The following FSIP1 variants were observed in gnomAD, a reference collection of about 807,000 sequenced individuals.
FSIP1 encodes fibrous sheath-interacting protein 1.
A neutral mutation model predicts 60.9 loss-of-function variants in FSIP1; 65 were observed. The observed-to-expected ratio is 1.07, with a 90% CI of 0.87 to 1.31. The LOEUF (loss-of-function observed/expected upper bound fraction) is 1.31, where lower values mean the gene tolerates loss of function less well. Ranked by LOEUF, FSIP1 falls within the 40% of genes most tolerant of loss-of-function variation. The pLI is 0.00. For synonymous variants in FSIP1, 209 were observed against 221.2 expected (o/e 0.94, Z 0.49); for missense variants, 675 against 665.5 (o/e 1.01, Z -0.16).
At chr15:39,617,540 T>C (rs1041570317) in intron 11 of FSIP1, among the ~76,000 whole-genome samples, 195 bp downstream of exon 11, 2 of 152,238 alleles carry the variant, frequency 1.3e-5, no homozygotes, top group African/African-American at 4.8e-5. Flanking sequence ...GAATAACGTA[T>C]TTCATAGAGT....
At chr15:39,688,189 C>T (rs902594526) in intron 10 of FSIP1, among the ~76,000 whole-genome samples, 1 of 152,188 alleles carries the variant, frequency 6.6e-6, no homozygotes, top group Admixed American at 6.5e-5. Flanking sequence ...GAAACCACAA[C>T]TTCAGGGAGA....
chr15:39,603,997 T>C (rs1890734264), intron 11 of FSIP1, among the ~76,000 whole-genome samples: 1 of 152,184 alleles, frequency 6.6e-6, no homozygotes, highest in Non-Finnish European at 1.5e-5. Context: ...AATGTCATGA[T>C]CTCAGTTCAC....
At chr15:39,607,256 T>C (rs1368083335) in intron 11 of FSIP1, among the ~76,000 whole-genome samples, 1 of 152,228 alleles carries the variant, frequency 6.6e-6, no homozygotes, top group Non-Finnish European at 1.5e-5. Flanking sequence ...CCACAGATGA[T>C]GCCTGAGATT....
Position 39,600,924 on chromosome 15 carries a change from C to A in FSIP1, c.1702G>T (p.Glu568Ter). ...TCTGCTGCATCTTTAGTCTCCTGCTCATCTGCACATAAAAACAATAACCAC... is the reference window on the plus strand; with the variant it reads ...TCTGCTGCATCTTTAGTCTCCTGCTAATCTGCACATAAAAACAATAACCAC... ...LSSPENTIAD[E>*]QETKDAAEEC... Residue 568 changes from glutamate to a stop codon, truncating the protein, a stop_gained and splice_region_variant, in exon 12 of 12, where the codon GAG (glutamate) becomes TAG (stop). Transcript: ENST00000350221. LOFTEE classifies it high-confidence loss of function. The A allele has an allele frequency of 6.2e-7, 1 of 1,609,120 alleles. No individual in the cohort carries two copies. The highest frequency in any genetic ancestry group is 1.1e-5 in the South Asian group (1 of 89,854).
At chr15:39,650,811 A>C (rs1289358323) in intron 10 of FSIP1, among the ~76,000 whole-genome samples, 1 of 152,260 alleles carries the variant, frequency 6.6e-6, no homozygotes, top group Admixed American at 6.5e-5. Flanking sequence ...CATTCTTCGG[A>C]AGTCTCTGTG....
intron 5 of FSIP1, among the ~76,000 whole-genome samples, chr15:39,752,491 T>C (rs1897192681): frequency 2.0e-5 from 3 of 152,092 alleles, no homozygotes; most frequent in South Asian, 2.1e-4. Flanking sequence ...GTTAATAATA[T>C]GATGTAATGT....
intron 5 of FSIP1, among the ~76,000 whole-genome samples, chr15:39,761,998 C>T (rs183838584): frequency 2.0e-5 from 3 of 152,262 alleles, no homozygotes; most frequent in African/African-American, 7.2e-5. Flanking sequence ...TGGGTAGCTC[C>T]CTTTGGCTGG....
intron 8 of FSIP1, among the ~76,000 whole-genome samples, chr15:39,732,616 T>C (rs1376248893): frequency 2.7e-5 from 2 of 73,762 alleles, no homozygotes; most frequent in African/African-American, 1.0e-4. Context: ...TGAAACTCCA[T>C]CTCAAAAAAA....
At chr15:39,617,681 T>C in intron 11 of FSIP1, 54 bp downstream of exon 11, 1 of 1,467,940 alleles carries the variant, frequency 6.8e-7, no homozygotes, top group Middle Eastern at 1.8e-4. Flanking sequence ...AATACCTTTA[T>C]ATTGAGGTGC....
chr15:39,761,429 A>G (rs8037883), intron 5 of FSIP1, among the ~76,000 whole-genome samples: 3,734 of 152,308 alleles, frequency 0.025, 160 homozygotes, highest in African/African-American at 0.084. Flanking sequence ...AACAACATGA[A>G]TAGAATTAGA....
chr15:39,620,886 G>A (rs546285251), intron 10 of FSIP1, among the ~76,000 whole-genome samples: 7 of 151,082 alleles, frequency 4.6e-5, no homozygotes, highest in East Asian at 1.9e-4. Flanking sequence ...GATTACAGGC[G>A]TGAGCCACCA....
chr15:39,608,573 T>G (rs7179293), intron 11 of FSIP1, among the ~76,000 whole-genome samples: 60,136 of 152,046 alleles, frequency 0.4, 13,968 homozygotes, highest in African/African-American at 0.66. Flanking sequence ...ACAATATACT[T>G]CAATTTCAGA....
intron 8 of FSIP1, among the ~76,000 whole-genome samples, chr15:39,734,728 T>C (rs746789175): frequency 1.3e-5 from 2 of 152,032 alleles, no homozygotes; most frequent in Non-Finnish European, 2.9e-5. Context: ...ATAAATAAAA[T>C]ATAAAGTTTG....
intron 9 of FSIP1, 90 bp downstream of exon 9, chr15:39,726,499 A>G: frequency 7.4e-7 from 1 of 1,356,230 alleles, no homozygotes. Flanking sequence ...TGATCACTGG[A>G]AAAAGCAACT....
intron 11 of FSIP1, among the ~76,000 whole-genome samples, chr15:39,605,431 AG>A (rs1174072314): frequency 6.6e-6 from 1 of 152,244 alleles, no homozygotes; most frequent in African/African-American, 2.4e-5. Context: ...ATTGCCGGGA[AG>A]TATCACCAGG....
chr15:39,652,236 T>C (rs1892900966), intron 10 of FSIP1, among the ~76,000 whole-genome samples: 1 of 152,332 alleles, frequency 6.6e-6, no homozygotes, highest in Admixed American at 6.5e-5. Context: ...TAAAAAAGAA[T>C]GCTAGTGCTA....
chr15:39,599,467 ACT>A (rs1004924119), downstream of FSIP1: 4 of 151,676 alleles, frequency 2.6e-5, no homozygotes, highest in African/African-American at 9.7e-5. Flanking sequence ...AAATAATTTT[ACT>A]CTGTGTTTCT....
chr15:39,752,824 AC>A (rs1163571861), intron 5 of FSIP1, among the ~76,000 whole-genome samples: 1 of 152,040 alleles, frequency 6.6e-6, no homozygotes. Flanking sequence ...AATGAACCAT[AC>A]AAATGCAAGA....
At chr15:39,729,450 T>C (rs1474140954) in intron 8 of FSIP1, among the ~76,000 whole-genome samples, 1 of 152,140 alleles carries the variant, frequency 6.6e-6, no homozygotes, top group Non-Finnish European at 1.5e-5. Flanking sequence ...GATATGCACC[T>C]GTAGTCCCAG....
Sources: allele counts gnomAD v4.1 joint callset (sites outside exome capture counted in the v4.1 genomes callset), GRCh38; gene constraint gnomAD v4.1.1; transcripts MANE v1.5; gene names NCBI Gene and HGNC (gene_info 2026-07-23, HGNC 2026-07-21).